The following CGRRF1 variants were observed in gnomAD, a reference collection of about 807,000 sequenced individuals.
CGRRF1 encodes the protein cell growth regulator with ring finger domain 1.
CGRRF1 carries 32 observed loss-of-function variants against 37.2 expected under a neutral mutation model. The ratio of observed to expected loss-of-function variants is 0.86; its 90% confidence interval spans 0.65 to 1.16. CGRRF1 has a LOEUF of 1.16. Ranked by LOEUF, CGRRF1 falls within the 50% of genes most tolerant of loss-of-function variation. The probability of loss-of-function intolerance (pLI) is 0.00; values close to 1 mark genes in which losing one functional copy is unlikely to be tolerated. For synonymous variants in CGRRF1, 141 were observed against 140.3 expected (o/e 1.00, Z -0.04); for missense variants, 391 against 382.6 (o/e 1.02, Z -0.18).
chr14:54,519,583 A>G (rs1333607757), intron 1 of CGRRF1, among the ~76,000 whole-genome samples: 2 of 151,986 alleles, frequency 1.3e-5, no homozygotes, highest in Non-Finnish European at 2.9e-5. Context: ...AGTTCTGCGT[A>G]TTTTTGTATT....
chr14:54,515,095 T>TG (rs1196860135), intron 1 of CGRRF1, among the ~76,000 whole-genome samples: 1 of 148,720 alleles, frequency 6.7e-6, no homozygotes, highest in Non-Finnish European at 1.5e-5. Flanking sequence ...TTTTTGTTTT[T>TG]TTTTTTTTTT....
chr14:54,521,087 A>G (rs931658136), intron 1 of CGRRF1, among the ~76,000 whole-genome samples: 3 of 152,132 alleles, frequency 2.0e-5, no homozygotes, highest in Admixed American at 2.0e-4. Flanking sequence ...TTCCATGGGC[A>G]TTGTCAGAGT....
At chr14:54,511,947 C>A (rs2032136388) in intron 1 of CGRRF1, among the ~76,000 whole-genome samples, 1 of 152,120 alleles carries the variant, frequency 6.6e-6, no homozygotes, top group Admixed American at 6.5e-5. Context: ...TTAGTTTTGC[C>A]CACGTAGATA....
intron 1 of CGRRF1, among the ~76,000 whole-genome samples, chr14:54,520,291 GTA>G (rs1267846868): frequency 5.9e-5 from 9 of 151,378 alleles, no homozygotes; most frequent in Non-Finnish European, 1.0e-4. Flanking sequence ...GTGTGTGTGT[GTA>G]TGTGTGTGTG....
At chr14:54,518,020 A>G (rs1199476262) in intron 1 of CGRRF1, among the ~76,000 whole-genome samples, 1 of 152,170 alleles carries the variant, frequency 6.6e-6, no homozygotes, top group Non-Finnish European at 1.5e-5. Context: ...CATCCAGTCT[A>G]TCACTAATGG....
intron 2 of CGRRF1, chr14:54,523,384 T>C (rs1168317929): frequency 6.5e-6 from 1 of 154,002 alleles, no homozygotes; most frequent in African/African-American, 2.4e-5. Context: ...TGTACTTGCT[T>C]GGAAAAATAA....
At position 54,530,209 on chromosome 14, in the gene CGRRF1, C is replaced by G. The variant is rs775596207; in HGVS notation, c.405C>G (p.Leu135=). The G allele has an allele frequency of 6.2e-7, 1 of 1,603,796 alleles. No individual in the cohort carries two copies. Among genetic ancestry groups the G allele is most frequent in the Non-Finnish European group, 8.5e-7 (1 of 1,171,642 alleles). Residue 135 remains leucine (L), a synonymous_variant, in exon 3 of 6, where the codon CTC becomes CTG. Transcript: ENST00000216420. The part of the protein sequence containing the change: ...ALEDALYSEY[L]YQEQYFIKKD... ...AAGATGCTCTGTATAGTGAATATCT[C>G]TATCAGGAACAGTATTTGTATCCTT...
chr14:54,533,699 G>T (rs1221022995), intron 4 of CGRRF1, among the ~76,000 whole-genome samples: 1 of 151,530 alleles, frequency 6.6e-6, no homozygotes, highest in East Asian at 1.9e-4. Context: ...GTACAGTTAG[G>T]AACCACTTTG....
chr14:54,521,603 C>T (rs967590253), intron 1 of CGRRF1, among the ~76,000 whole-genome samples: 82 of 151,432 alleles, frequency 5.4e-4, no homozygotes, highest in Middle Eastern at 3.4e-3. Context: ...CTTCCGGGTT[C>T]AAGCCAGTCT....
rs1418004626 is a variant in CGRRF1, at chr14:54,535,386, C to CACACACACACACACAG, written c.571-2328_571-2327insACACACAGACACACAC. 1.6e-4 allele frequency among the ~76,000 whole-genome samples: 24 copies of CACACACACACACACAG among 149,860 alleles called. No homozygotes were observed. In the East Asian group the frequency reaches 4.7e-3, roughly 29 times the overall value. On this transcript the variant is annotated intron_variant, in intron 4 of 5. Transcript: ENST00000216420. ...ACACACACACACACACACACACACACACACACACTTTTTGTAAATTAAAAC... is the reference window on the plus strand; with the variant it reads ...ACACACACACACACACACACACACACACACACACACACACAGACACACACTTTTTGTAAATTAAAAC...
In CGRRF1 at chr14:54,530,928, A is replaced by G; in HGVS notation, c.448A>G (p.Ile150Val). ...TATTAAAAAGGATAGCAAAGAAGAA[A>G]TATATTGCCAGTTACCAAGAGATAC... is the stretch of plus-strand genomic sequence containing the variant. ...YFIKKDSKEE[I>V]YCQLPRDTKI... Residue 150 changes from isoleucine to valine, a missense_variant, in exon 4 of 6, where the codon ATA becomes GTA. Physicochemically the swap from Ile to Val is conservative, Grantham distance 29. Transcript: ENST00000216420. 6.3e-7 allele frequency: 1 copy of G among 1,594,646 alleles called. No homozygotes were observed. The highest frequency in any genetic ancestry group is 8.6e-7 in the Non-Finnish European group (1 of 1,162,668).
chr14:54,518,482 G>A (rs1343081496), intron 1 of CGRRF1, among the ~76,000 whole-genome samples: 6 of 151,832 alleles, frequency 4.0e-5, no homozygotes, highest in African/African-American at 1.5e-4. Context: ...CCCAGGAGGT[G>A]GAGGTTGCGG....
chr14:54,512,046 G>A (rs1298700622), intron 1 of CGRRF1, among the ~76,000 whole-genome samples: 5 of 152,098 alleles, frequency 3.3e-5, no homozygotes, highest in African/African-American at 1.2e-4. Flanking sequence ...CATCTAAATC[G>A]CATAAAAACA....
intron 2 of CGRRF1, among the ~76,000 whole-genome samples, chr14:54,524,439 G>C (rs1445356252): frequency 6.9e-6 from 1 of 145,446 alleles, no homozygotes; most frequent in East Asian, 2.0e-4. Context: ...AGGCTGGAAT[G>C]CAGTAGTATG....
intron 2 of CGRRF1, among the ~76,000 whole-genome samples, chr14:54,525,872 G>A (rs1233247114): frequency 6.6e-6 from 1 of 152,066 alleles, no homozygotes; most frequent in Non-Finnish European, 1.5e-5. Context: ...TGAGACGGGC[G>A]GATCCTTGAG....
At chr14:54,524,296 C>G (rs2032372624) in intron 2 of CGRRF1, among the ~76,000 whole-genome samples, 1 of 152,048 alleles carries the variant, frequency 6.6e-6, no homozygotes, top group African/African-American at 2.4e-5. Context: ...CTCTAACTCT[C>G]AGAATCTAAT....
At chr14:54,531,265 G>T in intron 4 of CGRRF1, 2 of 476,422 alleles carry the variant, frequency 4.2e-6, no homozygotes, top group Non-Finnish European at 7.4e-6. Flanking sequence ...GACTTTATTT[G>T]GAAAATAAAA....
rs139622632 is a variant in CGRRF1 at position 54,523,576 on chromosome 14, G to A, written c.244+983G>A. 2.3e-3 allele frequency among the ~76,000 whole-genome samples: 347 copies of A among 150,320 alleles called. 1 individual carries two copies. Among genetic ancestry groups the A allele is most frequent in the African/African-American group, 7.8e-3 (320 of 41,078 alleles). ...TTTTGAGTAGAATCTTGGAAGATAGGTGTTTACTTCGTGGATGAGAAATGG... is the reference window on the plus strand; with the variant it reads ...TTTTGAGTAGAATCTTGGAAGATAGATGTTTACTTCGTGGATGAGAAATGG... On this transcript the variant is annotated intron_variant, in intron 2 of 5. Coordinates refer to ENST00000216420, the MANE Select transcript of CGRRF1 (RefSeq NM_006568.3).
intron 2 of CGRRF1, among the ~76,000 whole-genome samples, chr14:54,528,514 A>G (rs1050956681): frequency 1.6e-4 from 25 of 151,624 alleles, no homozygotes; most frequent in African/African-American, 5.8e-4. Context: ...TTCTTTTTCA[A>G]TGTTTTAAAA....
Sources: allele counts gnomAD v4.1 joint callset (sites outside exome capture counted in the v4.1 genomes callset), GRCh38; gene constraint gnomAD v4.1.1; transcripts MANE v1.5; gene names NCBI Gene and HGNC (gene_info 2026-07-23, HGNC 2026-07-21).